Variants in SNX9 observed in about 807,000 individuals in gnomAD.
SNX9 encodes the protein sorting nexin-9.
In SNX9, 44 loss-of-function variants were observed where a neutral mutation model predicts 89.4. That is an observed-to-expected ratio of 0.49 (90% CI 0.39 to 0.63). SNX9 has a LOEUF of 0.63. Ranked by LOEUF, SNX9 falls within the 30% of genes least tolerant of loss-of-function variation. The pLI, the probability that SNX9 is intolerant of heterozygous loss-of-function variation, is 0.00. For missense variants in SNX9, 578 were observed against 736.1 expected (o/e 0.79, Z 2.49); for synonymous variants, 236 against 247.8 (o/e 0.95, Z 0.45).
At chr6:157,828,969 A>G (rs115828561) in intron 1 of SNX9, among the ~76,000 whole-genome samples, 1 of 152,128 alleles carries the variant, frequency 6.6e-6, no homozygotes, top group African/African-American at 2.4e-5. Context: ...TGTATCTTCA[A>G]TGACAAGTTT....
rs538538888 is a variant in SNX9 at position 157,889,156 on chromosome 6, C to T, written c.301-7671C>T. Among the ~76,000 whole-genome samples, 23 of 152,168 alleles carry T rather than the reference C, an allele frequency of 1.5e-4. 1 individual carries two copies. The South Asian group carries it at 3.3e-3, about 22-fold the overall frequency. On this transcript the variant is annotated intron_variant, in intron 4 of 17. Transcript: ENST00000392185. ...GAACAAAAATGTCAGAGACATCAGG[C>T]GCAGTGGCTCACGCCTGTAATCCCA...
chr6:157,927,028 A>G (rs1783707830), intron 10 of SNX9, 83 bp from the exon 11 acceptor site: 3 of 1,008,784 alleles, frequency 3.0e-6, no homozygotes, highest in South Asian at 2.7e-5. Context: ...TAAAGGTGAT[A>G]AATGAGCTGG....
At chr6:157,892,046 T>TAAG (rs61556222) in intron 4 of SNX9, among the ~76,000 whole-genome samples, 17,568 of 151,856 alleles carry the variant, frequency 0.12, 1,525 homozygotes, top group African/African-American at 0.25. Flanking sequence ...GATGGACAGT[T>TAAG]AAGAGCTTTG....
intron 4 of SNX9, among the ~76,000 whole-genome samples, chr6:157,879,176 C>T (rs1272772947): frequency 6.6e-6 from 1 of 152,220 alleles, no homozygotes; most frequent in Non-Finnish European, 1.5e-5. Flanking sequence ...TGCAGATCTG[C>T]TCGCAGAACG....
At chr6:157,829,133 A>C (rs1781436847) in intron 1 of SNX9, 1 of 139,320 alleles carries the variant, frequency 7.2e-6, no homozygotes, top group Non-Finnish European at 1.5e-5. Flanking sequence ...TTACATCTGC[A>C]GCTTAGGTAT....
rs529227883 is a variant in SNX9 at position 157,849,666 on chromosome 6, C to T, written c.13-17881C>T. Reference sequence around the variant, plus strand: ...TAGCAGTATTTAGAAAGTAGATTTGCCAGGCCTTTCTTAGAGGTGGAAAGG... The same window carrying T: ...TAGCAGTATTTAGAAAGTAGATTTGTCAGGCCTTTCTTAGAGGTGGAAAGG... On this transcript the variant is annotated intron_variant, in intron 1 of 17. Coordinates refer to ENST00000392185, the MANE Select transcript of SNX9 (RefSeq NM_016224.5). 2.8e-4 allele frequency among the ~76,000 whole-genome samples: 42 copies of T among 152,188 alleles called. 1 individual carries two copies. The South Asian group carries it at 6.4e-3, about 23-fold the overall frequency.
intron 9 of SNX9, among the ~76,000 whole-genome samples, chr6:157,916,467 G>T (rs2115187007): frequency 6.6e-6 from 1 of 152,314 alleles, no homozygotes; most frequent in South Asian, 2.1e-4. Flanking sequence ...ATGCTCTTGA[G>T]TAGAAATAGT....
chr6:157,832,564 A>C (rs1240106586), intron 1 of SNX9, among the ~76,000 whole-genome samples: 2 of 152,228 alleles, frequency 1.3e-5, no homozygotes, highest in Non-Finnish European at 2.9e-5. Context: ...TTATAAAGAA[A>C]AGAGATTTAA....
chr6:157,840,423 T>TTTCTTC (rs1562590893), intron 1 of SNX9, among the ~76,000 whole-genome samples: 1 of 139,852 alleles, frequency 7.2e-6, no homozygotes, highest in East Asian at 2.4e-4. Context: ...TTCTTTCTTT[T>TTTCTTC]CTTTCTTTTC....
At chr6:157,879,277 T>A (rs1418447631) in intron 4 of SNX9, among the ~76,000 whole-genome samples, 1 of 152,212 alleles carries the variant, frequency 6.6e-6, no homozygotes, top group Admixed American at 6.5e-5. Context: ...ACTGATCAGA[T>A]GAACTATAGG....
rs537413040 is a variant in SNX9, at chr6:157,906,875, A to G, written c.705+663A>G. Among the ~76,000 whole-genome samples, 14 of 152,306 alleles carry G rather than the reference A, an allele frequency of 9.2e-5. No homozygotes were observed. The East Asian group carries it at 1.9e-3, about 21-fold the overall frequency. On this transcript the variant is annotated intron_variant, in intron 7 of 17. Coordinates refer to ENST00000392185, the MANE Select transcript of SNX9 (RefSeq NM_016224.5). ...AGAACTGTAGCTATCTTCTGATCCT[A>G]TTGACTTAACCCTGTAACAATTAGA...
chr6:157,888,188 A>C (rs868373250), intron 4 of SNX9, among the ~76,000 whole-genome samples: 18 of 152,214 alleles, frequency 1.2e-4, no homozygotes, highest in Middle Eastern at 6.3e-3. Context: ...TCTCACATAC[A>C]TGTCTAATGC....
chr6:157,839,019 C>G (rs1045283178), intron 1 of SNX9, among the ~76,000 whole-genome samples: 26 of 152,132 alleles, frequency 1.7e-4, no homozygotes, highest in African/African-American at 6.0e-4. Flanking sequence ...TTTGCAATAC[C>G]CAGAGCTTAT....
chr6:157,914,234 C>T (rs1355357390), intron 9 of SNX9, among the ~76,000 whole-genome samples: 1 of 152,080 alleles, frequency 6.6e-6, no homozygotes, highest in Admixed American at 6.6e-5. Flanking sequence ...TTTGCATTTC[C>T]TGATGGCGAG....
chr6:157,844,587 G>GTTTTTTTGTTTTTTTT lies in SNX9; in HGVS notation c.12+21148_12+21149insGTTTTTTTTTTTTTTT, dbSNP rs1554291784. On this transcript the variant is annotated intron_variant, in intron 1 of 17. Transcript: ENST00000392185. ...ATTTTTAATCTTGTGGCTAATCCTTGTTTTTTTTTTTTGTTTTTTTTTTTG... is the reference window on the plus strand; with the variant it reads ...ATTTTTAATCTTGTGGCTAATCCTTGTTTTTTTGTTTTTTTTTTTTTTTTTTTTGTTTTTTTTTTTG... 1.5e-3 allele frequency among the ~76,000 whole-genome samples: 200 copies of GTTTTTTTGTTTTTTTT among 130,236 alleles called. 5 individuals carry two copies. Among genetic ancestry groups the GTTTTTTTGTTTTTTTT allele is most frequent in the East Asian group, 3.8e-3 (17 of 4,480 alleles). 85.4% of individuals were successfully genotyped at this position (130,236 alleles called of 152,430 possible).
chr6:157,928,909 C>T (rs1034662626), intron 12 of SNX9, among the ~76,000 whole-genome samples: 20 of 152,158 alleles, frequency 1.3e-4, no homozygotes, highest in African/African-American at 4.3e-4. Flanking sequence ...TAAGAAATCT[C>T]ATAGGGAACA....
chr6:157,845,336 C>T (rs923642053), intron 1 of SNX9, among the ~76,000 whole-genome samples: 13 of 152,068 alleles, frequency 8.5e-5, no homozygotes, highest in African/African-American at 3.1e-4. Context: ...TTCTCAAACT[C>T]CTGACCTCAG....
At chr6:157,933,011 A>C (rs7764966) in intron 13 of SNX9, among the ~76,000 whole-genome samples, 32,843 of 151,692 alleles carry the variant, frequency 0.22, 3,596 homozygotes, top group Non-Finnish European at 0.23. Flanking sequence ...TGTGTATCTT[A>C]CCCAGGGATC....
At chr6:157,883,540 G>A (rs1327807653) in intron 4 of SNX9, among the ~76,000 whole-genome samples, 5 of 152,190 alleles carry the variant, frequency 3.3e-5, no homozygotes, top group Admixed American at 3.3e-4. Flanking sequence ...AAATTCATCT[G>A]AATTTGAGGT....
Sources: gnomAD v4.1 joint callset for allele counts (sites outside exome capture counted in the v4.1 genomes callset) on GRCh38, gnomAD v4.1.1 for gene constraint, MANE v1.5 for transcripts, NCBI Gene and HGNC (gene_info 2026-07-23, HGNC 2026-07-21) for gene names.